Variants in STYXL1 observed in about 807,000 individuals in gnomAD.
STYXL1 encodes the protein serine/threonine/tyrosine-interacting-like protein 1.
A neutral mutation model predicts 36.4 loss-of-function variants in STYXL1; 32 were observed. That is an observed-to-expected ratio of 0.88 (90% CI 0.66 to 1.18). The LOEUF (loss-of-function observed/expected upper bound fraction) is 1.18. Ranked by LOEUF, STYXL1 falls within the 50% of genes most tolerant of loss-of-function variation. The pLI is 0.00. For synonymous variants in STYXL1, 133 were observed against 144.1 expected (o/e 0.92, Z 0.55); for missense variants, 354 against 394.1 (o/e 0.90, Z 0.86).
chr7:75,996,723 G>C, intron 8 of STYXL1, 124 bp from the exon 9 acceptor site: 1 of 912,316 alleles, frequency 1.1e-6, no homozygotes, highest in East Asian at 2.6e-5. Context: ...TTAAGGGCTG[G>C]ATGCAGAAAC....
At chr7:76,002,563 T>C (rs1204004396) in intron 7 of STYXL1, among the ~76,000 whole-genome samples, 1 of 152,000 alleles carries the variant, frequency 6.6e-6, no homozygotes, top group African/African-American at 2.4e-5. Flanking sequence ...CATCTCGAGG[T>C]GGGACACATG....
chr7:76,001,536 C>A (rs1554567412), intron 7 of STYXL1, among the ~76,000 whole-genome samples: 1 of 152,102 alleles, frequency 6.6e-6, no homozygotes, highest in Non-Finnish European at 1.5e-5. Flanking sequence ...TCTTGTTGCC[C>A]AGGCTGGAGT....
intron 3 of STYXL1, among the ~76,000 whole-genome samples, chr7:76,023,504 C>T (rs1794318069): frequency 6.6e-6 from 1 of 151,968 alleles, no homozygotes; most frequent in African/African-American, 2.4e-5. Flanking sequence ...GCTGGGACCA[C>T]GGGCATGCAC....
intron 5 of STYXL1, among the ~76,000 whole-genome samples, chr7:76,006,145 C>T (rs73366043): frequency 0.016 from 2,488 of 152,140 alleles, 62 homozygotes; most frequent in African/African-American, 0.057. Flanking sequence ...AATCATAGCT[C>T]GCTGCAGTCT....
intron 8 of STYXL1, among the ~76,000 whole-genome samples, chr7:75,999,454 T>G (rs1201687656): frequency 1.3e-5 from 2 of 152,098 alleles, no homozygotes; most frequent in South Asian, 2.1e-4. Flanking sequence ...GCTCCTAAGC[T>G]ATACATTTTA....
rs1275406688 is a variant in STYXL1 at position 76,013,797 on chromosome 7, C to T, written c.398G>A (p.Arg133His). The T allele has an allele frequency of 7.4e-6, 12 of 1,613,804 alleles. No individual in the cohort carries two copies. Among genetic ancestry groups the T allele is most frequent in the African/African-American group, 1.3e-5 (1 of 74,858 alleles). ...GAGAAAGTGGTACGTGCCTGAGAAG[C>T]GCTCATAGCCCCCTTTCAGGATGTA... ...PVYILKGGYE[R>H]FSGTYHFLRT... Residue 133 changes from arginine to histidine, a missense_variant, in exon 5 of 9, where the codon CGC (arginine) becomes CAC (histidine). Physicochemically the swap from Arg to His is conservative, Grantham distance 29. Transcript: ENST00000359697.
intron 5 of STYXL1, among the ~76,000 whole-genome samples, chr7:76,007,145 G>T (rs1554570665): frequency 6.6e-6 from 1 of 152,010 alleles, no homozygotes; most frequent in African/African-American, 2.4e-5. Context: ...ACACAAGAGG[G>T]GCCAGGTGAG....
At chr7:76,026,249 GA>G (rs1794713376) in intron 3 of STYXL1, among the ~76,000 whole-genome samples, 1 of 134,430 alleles carries the variant, frequency 7.4e-6, no homozygotes, top group Non-Finnish European at 1.6e-5. Flanking sequence ...ACAGGGTGTG[GA>G]AAAGTACAGC....
At chr7:76,008,239 A>C (rs1792072317) in intron 5 of STYXL1, among the ~76,000 whole-genome samples, 1 of 147,880 alleles carries the variant, frequency 6.8e-6, no homozygotes, top group Non-Finnish European at 1.5e-5. Context: ...AATCTCAAAG[A>C]AGCTCTGCAG....
intron 4 of STYXL1, among the ~76,000 whole-genome samples, chr7:76,019,319 C>G (rs1793771157): frequency 6.8e-6 from 1 of 147,224 alleles, no homozygotes; most frequent in African/African-American, 2.5e-5. Context: ...TTTTTAGAGA[C>G]AGGGTCTTAC....
intron 5 of STYXL1, 65 bp from the exon 6 acceptor site, chr7:76,005,469 T>G: frequency 2.7e-6 from 4 of 1,469,852 alleles, no homozygotes; most frequent in Non-Finnish European, 3.7e-6. Context: ...TGTCTATCTC[T>G]TGAAACACAG....
At chr7:76,005,835 AGGAGGAGGAAGAGAGAGGAGGAG>A (rs1791608909) in intron 5 of STYXL1, among the ~76,000 whole-genome samples, 1 of 135,924 alleles carries the variant, frequency 7.4e-6, no homozygotes, top group Non-Finnish European at 1.6e-5. Flanking sequence ...AGGAAGAGAG[AGGAGGAGGAAGAGAGAGGAGGAG>A]AGAGGAGGAA....
At chr7:76,031,657 G>A (rs1481643913) in intron 1 of STYXL1, among the ~76,000 whole-genome samples, 2 of 150,986 alleles carry the variant, frequency 1.3e-5, no homozygotes, top group Non-Finnish European at 2.9e-5. Context: ...GGAGGTTGAA[G>A]TGAGCCAAGA....
At chr7:76,031,076 G>A (rs578028945) in intron 1 of STYXL1, among the ~76,000 whole-genome samples, 6 of 151,462 alleles carry the variant, frequency 4.0e-5, no homozygotes, top group East Asian at 3.9e-4. Context: ...TAGGAGAGTC[G>A]CTTGAACCCA....
chr7:76,034,794 C>A (rs781962482), intron 1 of STYXL1, among the ~76,000 whole-genome samples: 2 of 152,142 alleles, frequency 1.3e-5, no homozygotes, highest in African/African-American at 4.8e-5. Context: ...CACTAAGGGT[C>A]CCCTGGAAGA....
rs1563522818 is a variant in STYXL1, at chr7:76,038,138, G to A, written c.-4-7611C>T. 2.0e-5 allele frequency among the ~76,000 whole-genome samples: 3 copies of A among 149,230 alleles called. 1 individual carries two copies. Among genetic ancestry groups the A allele is most frequent in the South Asian group, 4.4e-4 (2 of 4,536 alleles). On this transcript the variant is annotated intron_variant, in intron 1 of 8. Transcript: ENST00000359697. ...GGCTGGCGTGCAGTGGCACAATCAT[G>A]GCTCACTGCAGCCTCAAGCGATCCT...
In STYXL1 at chr7:76,003,778, C is replaced by T. The variant is rs149776933; in HGVS notation, c.677G>A (p.Arg226His). The change falls in exon 7 of 9, where the codon CGC becomes CAC. Residue 226 changes from arginine to histidine, a missense_variant. Transcript: ENST00000359697. ...CTTACCAATGAAGTGACACATGTGG[C>T]GTAAGAAGGGAAGAATCTGGGCTTC... ...SPEAQILPFLRHMCHFIEIHH... is the reference protein window; with the variant it reads ...SPEAQILPFLHHMCHFIEIHH... 81 of 1,613,992 alleles carry T rather than the reference C, an allele frequency of 5.0e-5. No individual in the cohort carries two copies. The highest frequency in any genetic ancestry group is 4.9e-4 in the Middle Eastern group (3 of 6,084).
chr7:76,036,009 T>C (rs1393627462), intron 1 of STYXL1, among the ~76,000 whole-genome samples: 2 of 149,924 alleles, frequency 1.3e-5, no homozygotes, highest in Non-Finnish European at 3.0e-5. Flanking sequence ...CCCTGTGAAC[T>C]GAAATTAGGG....
intron 3 of STYXL1, among the ~76,000 whole-genome samples, chr7:76,026,000 G>A (rs1554577586): frequency 6.6e-6 from 1 of 150,476 alleles, no homozygotes; most frequent in East Asian, 2.0e-4. Flanking sequence ...AGAGCATCCT[G>A]GCTAACACGG....
Sources: gnomAD v4.1 joint callset for allele counts (sites outside exome capture counted in the v4.1 genomes callset) on GRCh38, gnomAD v4.1.1 for gene constraint, MANE v1.5 for transcripts, NCBI Gene and HGNC (gene_info 2026-07-23, HGNC 2026-07-21) for gene names.